Variants in PAMR1 observed in about 807,000 individuals in gnomAD.
The protein encoded by PAMR1 is inactive serine protease PAMR1.
A neutral mutation model predicts 81.8 loss-of-function variants in PAMR1; 88 were observed. The observed-to-expected ratio is 1.08, with a 90% confidence interval of 0.91 to 1.28. The LOEUF (loss-of-function observed/expected upper bound fraction) is 1.28, where lower values mean the gene tolerates loss of function less well. Ranked by LOEUF, PAMR1 falls within the 50% of genes most tolerant of loss-of-function variation. The probability of loss-of-function intolerance (pLI) is 0.00; values close to 1 mark genes in which losing one functional copy is unlikely to be tolerated. For missense variants in PAMR1, 935 were observed against 919.7 expected, an observed-to-expected ratio of 1.02 and a Z score of -0.21; for synonymous variants, 336 against 345.3, an observed-to-expected ratio of 0.97 and a Z score of 0.30.
chr11:35,472,402 A>G (rs1442252336), intron 4 of PAMR1, among the ~76,000 whole-genome samples: 1 of 152,216 alleles, frequency 6.6e-6, no homozygotes, highest in Admixed American at 6.5e-5. Flanking sequence ...CAGACACTGT[A>G]CTAGGTGCTG....
chr11:35,508,195 C>G (rs1851007218), intron 1 of PAMR1, among the ~76,000 whole-genome samples: 1 of 152,102 alleles, frequency 6.6e-6, no homozygotes, highest in Non-Finnish European at 1.5e-5. Context: ...GTCAAAGAAC[C>G]CAAGATGGTG....
chr11:35,503,438 T>G (rs1452340244), intron 1 of PAMR1, among the ~76,000 whole-genome samples: 2 of 152,088 alleles, frequency 1.3e-5, no homozygotes, highest in Non-Finnish European at 2.9e-5. Context: ...TTGAGTAGTA[T>G]TGCTTTGAGT....
chr11:35,497,054 C>A (rs1850739041), intron 1 of PAMR1, among the ~76,000 whole-genome samples: 1 of 152,108 alleles, frequency 6.6e-6, no homozygotes, highest in South Asian at 2.1e-4. Flanking sequence ...GTAATCCCAG[C>A]TACTTAGGAG....
intron 1 of PAMR1, chr11:35,513,435 A>C (rs2087801248): frequency 1.3e-5 from 2 of 152,214 alleles, no homozygotes; most frequent in Admixed American, 1.3e-4. Context: ...AGAGAGCATT[A>C]ACCATCATGC....
At chr11:35,474,815 C>T (rs543852197) in intron 3 of PAMR1, 71 bp from the exon 4 acceptor site, 51 of 1,005,688 alleles carry the variant, frequency 5.1e-5, no homozygotes, top group African/African-American at 3.2e-4. Flanking sequence ...AAGGTCTCAA[C>T]GAGACTTTGA....
chr11:35,456,009 C>T (rs948095000), intron 6 of PAMR1, among the ~76,000 whole-genome samples: 1 of 152,066 alleles, frequency 6.6e-6, no homozygotes, highest in Non-Finnish European at 1.5e-5. Context: ...GTTAATAGTT[C>T]CAACTAGTAC....
chr11:35,520,975 A>C (rs1851261173), intron 1 of PAMR1, among the ~76,000 whole-genome samples: 1 of 152,174 alleles, frequency 6.6e-6, no homozygotes, highest in Non-Finnish European at 1.5e-5. Flanking sequence ...TCCATTGTCC[A>C]TGCCAATGGC....
chr11:35,442,494 T>C (rs555680187), intron 6 of PAMR1, among the ~76,000 whole-genome samples: 3 of 152,350 alleles, frequency 2.0e-5, no homozygotes, highest in Non-Finnish European at 4.4e-5. Context: ...ATGACTTGCC[T>C]AAGGAAGCCG....
At chr11:35,513,006 A>G (rs150224724) in intron 1 of PAMR1, among the ~76,000 whole-genome samples, 19 of 152,272 alleles carry the variant, frequency 1.2e-4, no homozygotes, top group African/African-American at 4.1e-4. Context: ...ATAAATAAAT[A>G]AAGGAAAGTG....
In PAMR1 at chr11:35,441,499, G is replaced by A. The variant is rs113777401; in HGVS notation, c.1015C>T (p.Gln339Ter). 2 of 1,611,782 alleles carry A rather than the reference G, an allele frequency of 1.2e-6. No homozygotes were observed. The highest frequency in any genetic ancestry group is 2.7e-5 in the African/African-American group (2 of 74,762). The change falls in exon 7 of 11, where the codon CAG (glutamine) becomes TAG (stop). Residue 339 changes from glutamine (Q) to a stop codon, truncating the protein, a stop_gained. Coordinates refer to ENST00000619888, the MANE Select transcript of PAMR1 (RefSeq NM_001001991.3). LOFTEE classifies it high-confidence loss of function. ...AAGTTACCTTTTATGCAGATGGGCT[G>A]TTTCCCTGACCACTCTCCATTCTGC... is the stretch of plus-strand genomic sequence containing the variant. ...CQQNGEWSGK[Q>*]PICIKACREP...
intron 1 of PAMR1, among the ~76,000 whole-genome samples, chr11:35,521,337 T>C (rs1462064979): frequency 6.6e-6 from 1 of 152,188 alleles, no homozygotes; most frequent in Non-Finnish European, 1.5e-5. Flanking sequence ...TTTCCCTCCA[T>C]TCACCATCCA....
intron 6 of PAMR1, among the ~76,000 whole-genome samples, chr11:35,448,322 G>T (rs1274789507): frequency 6.6e-6 from 1 of 151,994 alleles, no homozygotes; most frequent in Non-Finnish European, 1.5e-5. Flanking sequence ...GTTCTCAGAG[G>T]TTTGGTTCAT....
chr11:35,526,917 G>A (rs1424385724), upstream of PAMR1, among the ~76,000 whole-genome samples: 7 of 152,182 alleles, frequency 4.6e-5, no homozygotes, highest in African/African-American at 1.7e-4. Context: ...GGCCCTGGTG[G>A]TTTACAAGTA....
intron 1 of PAMR1, among the ~76,000 whole-genome samples, chr11:35,501,133 CT>C (rs34831742): frequency 8.8e-4 from 119 of 135,560 alleles, no homozygotes; most frequent in Admixed American, 8.9e-4. Flanking sequence ...CTTTTTTTTT[CT>C]TTTTTTTTTT....
chr11:35,471,477 G>A (rs1850182470), intron 4 of PAMR1, among the ~76,000 whole-genome samples: 1 of 152,048 alleles, frequency 6.6e-6, no homozygotes, highest in Non-Finnish European at 1.5e-5. Context: ...AGCTCATATT[G>A]TTTTGCAAGA....
At chr11:35,504,991 C>T (rs944426463) in intron 1 of PAMR1, among the ~76,000 whole-genome samples, 5 of 151,872 alleles carry the variant, frequency 3.3e-5, no homozygotes, top group Non-Finnish European at 7.4e-5. Flanking sequence ...GTGTTTATTG[C>T]TCCAAACTTC....
chr11:35,494,642 G>A (rs935473674), intron 1 of PAMR1, among the ~76,000 whole-genome samples: 4 of 152,130 alleles, frequency 2.6e-5, no homozygotes, highest in Non-Finnish European at 5.9e-5. Flanking sequence ...CCAGGGAGTG[G>A]TAAGACTCTT....
At position 35,502,821 on chromosome 11, in the gene PAMR1, TGCAGAA is replaced by T. The variant is rs1382550752; in HGVS notation, c.74-8555_74-8550del. Reference sequence around the variant, plus strand: ...AATTTGTTGATTGTTTCCTTTGCTGTGCAGAAGCCTTTAAGCTTCATGTATTAATAA... The same window carrying T: ...AATTTGTTGATTGTTTCCTTTGCTGTGCCTTTAAGCTTCATGTATTAATAA... On this transcript the variant is annotated intron_variant, in intron 1 of 10. Transcript: ENST00000619888. Among the ~76,000 whole-genome samples the T allele has an allele frequency of 9.3e-4, 67 of 72,316 alleles. 1 individual carries two copies. The South Asian group carries it at 0.025, about 27-fold the overall frequency. The allele number at this position is 72,316 out of a possible 152,430, so 47.4% of individuals were successfully genotyped here.
chr11:35,478,554 A>AGCT (rs76154597), intron 3 of PAMR1, among the ~76,000 whole-genome samples: 152,186 of 152,224 alleles, frequency 1, 76,074 homozygotes, highest in Middle Eastern at 1. Flanking sequence ...AGGAGGAGGG[A>AGCT]GCGCTCCCTC....
Sources: gnomAD v4.1 joint callset for allele counts (sites outside exome capture counted in the v4.1 genomes callset) on GRCh38, gnomAD v4.1.1 for gene constraint, MANE v1.5 for transcripts, NCBI Gene and HGNC (gene_info 2026-07-23, HGNC 2026-07-21) for gene names.